Variants in NRG3 observed in about 807,000 individuals in gnomAD.
NRG3 encodes pro-neuregulin-3, membrane-bound isoform.
A neutral mutation model predicts 66.9 loss-of-function variants in NRG3; 31 were observed. The ratio of observed to expected loss-of-function variants is 0.46; its 90% CI spans 0.35 to 0.63. NRG3 has a LOEUF of 0.63. Ranked by LOEUF, NRG3 falls within the 20% of genes least tolerant of loss-of-function variation. The pLI is 0.00. For missense variants in NRG3, 910 were observed against 878.9 expected (o/e 1.04, Z -0.45); for synonymous variants, 393 against 359.4 (o/e 1.09, Z -1.06).
At chr10:82,709,055 A>G (rs139788760) in intron 2 of NRG3, among the ~76,000 whole-genome samples, 5 of 152,218 alleles carry the variant, frequency 3.3e-5, no homozygotes, top group Non-Finnish European at 7.4e-5. Context: ...TCAACTCATG[A>G]AGTCCCCCTC....
chr10:82,555,873 C>G (rs1003904442), intron 2 of NRG3, among the ~76,000 whole-genome samples: 9 of 152,168 alleles, frequency 5.9e-5, no homozygotes, highest in African/African-American at 1.9e-4. Flanking sequence ...TTTCCTGCTA[C>G]CACCCTATTT....
At chr10:82,228,191 A>G (rs1452031231) in intron 1 of NRG3, among the ~76,000 whole-genome samples, 1 of 152,234 alleles carries the variant, frequency 6.6e-6, no homozygotes, top group East Asian at 1.9e-4. Flanking sequence ...AAATGCTATG[A>G]CACAAAATAC....
chr10:82,827,507 G>C (rs1257521977), intron 3 of NRG3, among the ~76,000 whole-genome samples: 2 of 152,114 alleles, frequency 1.3e-5, no homozygotes, highest in South Asian at 2.1e-4. Context: ...AGAGGTCCTG[G>C]AAAGTATTAT....
At chr10:82,147,518 T>C (rs1464450965) in intron 1 of NRG3, among the ~76,000 whole-genome samples, 2 of 152,208 alleles carry the variant, frequency 1.3e-5, no homozygotes, top group African/African-American at 2.4e-5. Flanking sequence ...ACTTTTAACA[T>C]GAATATACAC....
chr10:82,974,328 G>C (rs547965472), intron 7 of NRG3, among the ~76,000 whole-genome samples: 22 of 152,166 alleles, frequency 1.4e-4, no homozygotes, highest in Admixed American at 1.3e-3. Flanking sequence ...TTTTCCACGG[G>C]GAAGAAGCCT....
intron 1 of NRG3, among the ~76,000 whole-genome samples, chr10:82,323,135 A>T (rs1232844340): frequency 6.6e-6 from 1 of 152,196 alleles, no homozygotes; most frequent in Non-Finnish European, 1.5e-5. Flanking sequence ...TCAGTCTCTA[A>T]ATTATGACAG....
chr10:82,965,652 C>T (rs1851138571), intron 6 of NRG3, among the ~76,000 whole-genome samples: 1 of 152,034 alleles, frequency 6.6e-6, no homozygotes, highest in African/African-American at 2.4e-5. Context: ...ATGAGAATTG[C>T]TTGAACCTAG....
At chr10:82,660,420 C>T (rs1227327707) in intron 2 of NRG3, among the ~76,000 whole-genome samples, 1 of 151,958 alleles carries the variant, frequency 6.6e-6, no homozygotes, top group Non-Finnish European at 1.5e-5. Context: ...CTGTTAGTGA[C>T]TCACTCTTCC....
At chr10:82,847,755 C>T (rs144055015) in intron 3 of NRG3, among the ~76,000 whole-genome samples, 432 of 152,246 alleles carry the variant, frequency 2.8e-3, no homozygotes, top group African/African-American at 9.8e-3. Context: ...ATTCCCAGTG[C>T]GTAGTCCAGG....
intron 1 of NRG3, among the ~76,000 whole-genome samples, chr10:82,271,426 A>C (rs1211907532): frequency 1.3e-5 from 2 of 152,018 alleles, no homozygotes; most frequent in African/African-American, 4.8e-5. Context: ...TATATAAAAC[A>C]CTTTGTATAA....
At chr10:82,505,786 C>T (rs1312267652) in intron 2 of NRG3, among the ~76,000 whole-genome samples, 1 of 152,310 alleles carries the variant, frequency 6.6e-6, no homozygotes, top group East Asian at 1.9e-4. Context: ...TGAAGAACCC[C>T]TGAAGGCACT....
At position 82,258,831 on chromosome 10, in the gene NRG3, C is replaced by T. The variant is rs545206966; in HGVS notation, c.824-99908C>T. 3.9e-5 allele frequency among the ~76,000 whole-genome samples: 6 copies of T among 152,242 alleles called. No homozygotes were observed. In the East Asian group the frequency reaches 1.2e-3, roughly 29 times the overall value. ...CCACATAGCTCCCTTGTGATAGATC[C>T]AGGATTTAATGCTGGGTATATTTCA... On this transcript the variant is annotated intron_variant, in intron 1 of 8. Transcript: ENST00000372141.
chr10:82,883,991 A>G (rs1355673757), intron 4 of NRG3, among the ~76,000 whole-genome samples: 1 of 151,338 alleles, frequency 6.6e-6, no homozygotes, highest in Non-Finnish European at 1.5e-5. Flanking sequence ...AGTGGAGATG[A>G]TACTATGCAA....
chr10:81,971,562 G>A (rs1406767087), intron 1 of NRG3, among the ~76,000 whole-genome samples: 1 of 152,170 alleles, frequency 6.6e-6, no homozygotes, highest in Non-Finnish European at 1.5e-5. Context: ...AGTAATAAAT[G>A]GACAGAATAT....
In NRG3 at chr10:82,790,752, G is replaced by A. The variant is rs74144324; in HGVS notation, c.1027+52102G>A. Among the ~76,000 whole-genome samples the A allele has an allele frequency of 8.1e-3, 1,232 of 151,890 alleles. 21 individuals carry two copies. Among genetic ancestry groups the A allele is most frequent in the African/African-American group, 0.029 (1,187 of 41,474 alleles). On this transcript the variant is annotated intron_variant, in intron 3 of 8. Transcript: ENST00000372141. ...TACCACATAGTCTTTTTGAGGCTTT[G>A]TTCCCTTTTATTTATCTTTTTTTAT...
chr10:82,339,618 C>G (rs2082574861), intron 1 of NRG3, among the ~76,000 whole-genome samples: 1 of 152,152 alleles, frequency 6.6e-6, no homozygotes, highest in African/African-American at 2.4e-5. Context: ...CAAACCACTT[C>G]AGTAACTTTC....
chr10:82,869,762 C>A (rs943821262), intron 4 of NRG3, among the ~76,000 whole-genome samples: 1 of 151,888 alleles, frequency 6.6e-6, no homozygotes, highest in South Asian at 2.1e-4. Context: ...CACCCATCAC[C>A]ATGCCCGGCT....
chr10:82,273,092 A>G (rs1388112588), intron 1 of NRG3, among the ~76,000 whole-genome samples: 1 of 152,062 alleles, frequency 6.6e-6, no homozygotes, highest in African/African-American at 2.4e-5. Flanking sequence ...CATTTCAAAT[A>G]GATGTTTCCA....
At chr10:82,515,051 T>C (rs1055436589) in intron 2 of NRG3, among the ~76,000 whole-genome samples, 1 of 152,164 alleles carries the variant, frequency 6.6e-6, no homozygotes, top group Admixed American at 6.5e-5. Context: ...CTGCTCCACA[T>C]ATGCTAATAT....
Sources: allele counts gnomAD v4.1 joint callset (sites outside exome capture counted in the v4.1 genomes callset), GRCh38; gene constraint gnomAD v4.1.1; transcripts MANE v1.5; gene names NCBI Gene and HGNC (gene_info 2026-07-23, HGNC 2026-07-21).